Variants in GDAP2 observed in about 807,000 individuals in gnomAD.
GDAP2 encodes the protein ganglioside-induced differentiation-associated protein 2.
GDAP2 carries 51 observed loss-of-function variants against 67.0 expected under a neutral mutation model. The observed-to-expected ratio is 0.76, with a 90% CI of 0.61 to 0.96. The LOEUF (loss-of-function observed/expected upper bound fraction) is 0.96, where lower values mean the gene tolerates loss of function less well. Ranked by LOEUF, GDAP2 falls within the 40% of genes least tolerant of loss-of-function variation. GDAP2 has a pLI of 0.00. For synonymous variants in GDAP2, 203 were observed against 207.3 expected, an observed-to-expected ratio of 0.98 and a Z score of 0.18; for missense variants, 547 against 588.3, an observed-to-expected ratio of 0.93 and a Z score of 0.73.
chr1:117,928,576 T>C (rs1650546433), intron 1 of GDAP2, among the ~76,000 whole-genome samples: 1 of 152,252 alleles, frequency 6.6e-6, no homozygotes, highest in Admixed American at 6.5e-5. Context: ...TCAAAACTCC[T>C]ATGCTGCTAC....
At chr1:117,914,505 G>A (rs1246689653) in intron 3 of GDAP2, among the ~76,000 whole-genome samples, 1 of 152,056 alleles carries the variant, frequency 6.6e-6, no homozygotes, top group African/African-American at 2.4e-5. Context: ...AGAGAACAGA[G>A]AATACAGAAG....
chr1:117,906,723 T>C, intron 5 of GDAP2, 141 bp from the exon 6 acceptor site: 2 of 568,920 alleles, frequency 3.5e-6, no homozygotes, highest in Non-Finnish European at 6.2e-6. Flanking sequence ...ACCCTATCAG[T>C]GAAGCCTGCC....
chr1:117,906,877 AT>A (rs1649677126), intron 5 of GDAP2, among the ~76,000 whole-genome samples: 1 of 152,156 alleles, frequency 6.6e-6, no homozygotes, highest in East Asian at 1.9e-4. Flanking sequence ...AAGATGCTTT[AT>A]TGTATTTATT....
In GDAP2 at chr1:117,929,130, A is replaced by C. The variant is rs528453062; in HGVS notation, c.-68+318T>G. On this transcript the variant is annotated intron_variant, in intron 1 of 13. Coordinates refer to ENST00000369443, the MANE Select transcript of GDAP2 (RefSeq NM_017686.4). ...GCAACACGGACTTGTCTTTGGGACT[A>C]CAACCAGCAAGAGCTCCCGCCTGCC... 2.5e-3 allele frequency among the ~76,000 whole-genome samples: 387 copies of C among 152,210 alleles called. 2 individuals are homozygous for C. Among genetic ancestry groups the C allele is most frequent in the African/African-American group, 8.9e-3 (368 of 41,528 alleles).
At chr1:117,905,644 T>C (rs934584195) in intron 6 of GDAP2, among the ~76,000 whole-genome samples, 3 of 152,142 alleles carry the variant, frequency 2.0e-5, no homozygotes, top group Middle Eastern at 3.2e-3. Context: ...GAAACAACCA[T>C]GATTTTTTCA....
intron 1 of GDAP2, among the ~76,000 whole-genome samples, chr1:117,922,880 G>A (rs2101170525): frequency 6.6e-6 from 1 of 152,338 alleles, no homozygotes; most frequent in East Asian, 1.9e-4. Context: ...GCAAGCCTGG[G>A]GGCGTTGCAG....
intron 5 of GDAP2, among the ~76,000 whole-genome samples, 154 bp downstream of exon 5, chr1:117,911,840 A>G (rs550463294): frequency 3.3e-5 from 5 of 151,962 alleles, no homozygotes; most frequent in Non-Finnish European, 7.4e-5. Flanking sequence ...CATAGATGCA[A>G]TCACAGCTCA....
In GDAP2 at chr1:117,903,982, A is replaced by AT. The variant is rs200882432; in HGVS notation, c.636+2523dup. On this transcript the variant is annotated intron_variant, in intron 6 of 13. Coordinates refer to ENST00000369443, the MANE Select transcript of GDAP2 (RefSeq NM_017686.4). ...AAATTCAATAATCTATGAGTTTATG[A>AT]TTTTTTTTTCTTTTTTTTTTTTTGA... Among the ~76,000 whole-genome samples, 82 of 149,396 alleles carry AT rather than the reference A, an allele frequency of 5.5e-4. 1 individual carries two copies. The East Asian group carries it at 0.015, about 28-fold the overall frequency.
intron 5 of GDAP2, among the ~76,000 whole-genome samples, chr1:117,910,315 T>A (rs938691536): frequency 1.3e-5 from 2 of 152,144 alleles, no homozygotes; most frequent in African/African-American, 4.8e-5. Context: ...GTAAAGTAAG[T>A]GGAATTTACT....
intron 2 of GDAP2, 78 bp downstream of exon 2, chr1:117,920,104 T>C (rs1428648344): frequency 2.5e-6 from 2 of 805,270 alleles, no homozygotes; most frequent in Non-Finnish European, 2.1e-6. Context: ...TCAACAATGC[T>C]AGGGCTTTAA....
chr1:117,910,824 T>TC (rs1649830782), intron 5 of GDAP2, among the ~76,000 whole-genome samples: 2 of 152,226 alleles, frequency 1.3e-5, no homozygotes, highest in Non-Finnish European at 2.9e-5. Flanking sequence ...ATTTTCTTCC[T>TC]TATAACTTGG....
At chr1:117,876,226 A>G (rs971241333) in intron 13 of GDAP2, among the ~76,000 whole-genome samples, 2 of 152,068 alleles carry the variant, frequency 1.3e-5, no homozygotes, top group African/African-American at 2.4e-5. Flanking sequence ...TCCTTGCTCT[A>G]TTAGTTCCTG....
Position 117,868,888 on chromosome 1 carries a change from G to C in GDAP2, c.*1681C>G, listed in dbSNP as rs1244890825. 6 of 152,130 alleles carry C rather than the reference G, an allele frequency of 3.9e-5. No homozygotes were observed. Among genetic ancestry groups the C allele is most frequent in the African/African-American group, 7.2e-5 (3 of 41,450 alleles). The allele number at this position is 152,130 out of a possible 1,614,324, so 9.4% of individuals were successfully genotyped here. On this transcript the variant is annotated 3_prime_UTR_variant, in exon 14 of 14. Coordinates refer to ENST00000369443, the MANE Select transcript of GDAP2 (RefSeq NM_017686.4). ...AAGTAATTTTGAGGTCTGACACAAA[G>C]AAAATGTGTTCAATACATGCAAAAG... is the stretch of plus-strand genomic sequence containing the variant.
chr1:117,881,003 T>C (rs1648630293), intron 12 of GDAP2, among the ~76,000 whole-genome samples: 1 of 152,140 alleles, frequency 6.6e-6, no homozygotes, highest in South Asian at 2.1e-4. Flanking sequence ...TAAGAACAGC[T>C]AGCAAGTAGG....
At chr1:117,897,575 T>A (rs1438130536) in intron 7 of GDAP2, among the ~76,000 whole-genome samples, 1 of 152,228 alleles carries the variant, frequency 6.6e-6, no homozygotes, top group East Asian at 1.9e-4. Flanking sequence ...CACTACAAAT[T>A]AATAAATTAA....
chr1:117,912,505 T>C (rs1362313783), intron 4 of GDAP2, 25 bp downstream of exon 4: 5 of 1,599,644 alleles, frequency 3.1e-6, no homozygotes, highest in South Asian at 1.1e-5. Context: ...TGATATGCTA[T>C]GTCCAGAAAA....
At chr1:117,877,949 T>C in intron 13 of GDAP2, 60 bp downstream of exon 13, 1 of 1,575,738 alleles carries the variant, frequency 6.3e-7, no homozygotes, top group Admixed American at 1.8e-5. Context: ...TCGTAAGTGC[T>C]GCTCTATAGA....
chr1:117,928,046 T>A (rs1162970427), intron 1 of GDAP2, among the ~76,000 whole-genome samples: 1 of 152,170 alleles, frequency 6.6e-6, no homozygotes, highest in Non-Finnish European at 1.5e-5. Flanking sequence ...TCTGTGGTTG[T>A]CCCATCCCAT....
intron 10 of GDAP2, among the ~76,000 whole-genome samples, chr1:117,886,163 A>C (rs1570970448): frequency 6.6e-6 from 1 of 152,194 alleles, no homozygotes; most frequent in African/African-American, 2.4e-5. Flanking sequence ...CTTTGCCTCC[A>C]AATGAAGGGA....
Sources: allele counts gnomAD v4.1 joint callset (sites outside exome capture counted in the v4.1 genomes callset), GRCh38; gene constraint gnomAD v4.1.1; transcripts MANE v1.5; gene names NCBI Gene and HGNC (gene_info 2026-07-23, HGNC 2026-07-21).